SAMMSON: variants seen among roughly 807,000 people sequenced by gnomAD.
The protein encoded by SAMMSON is survival associated mitochondrial melanoma specific oncogenic non-coding RNA, also known as long intergenic non-protein coding RNA 1212.
At chr3:70,027,948 G>A (rs1477638361) in intron 3 of SAMMSON, among the ~76,000 whole-genome samples, 1 of 152,148 alleles carries the variant, frequency 6.6e-6, no homozygotes, top group East Asian at 1.9e-4. Flanking sequence ...GAAATAGACA[G>A]TATTTAAAAG....
chr3:70,254,066 G>T (rs549442678), intron 6 of SAMMSON, among the ~76,000 whole-genome samples: 1 of 152,046 alleles, frequency 6.6e-6, no homozygotes, highest in Non-Finnish European at 1.5e-5. Flanking sequence ...CAGTTATTTA[G>T]TAGGCATATT....
intron 7 of SAMMSON, among the ~76,000 whole-genome samples, chr3:70,346,979 C>T (rs748278132): frequency 1.3e-5 from 2 of 152,102 alleles, no homozygotes; most frequent in South Asian, 2.1e-4. Context: ...CAAAGACATG[C>T]GCTGATTACC....
At chr3:70,015,130 A>T (rs1380545843) in intron 3 of SAMMSON, 1 of 152,170 alleles carries the variant, frequency 6.6e-6, no homozygotes, top group Non-Finnish European at 1.5e-5. Flanking sequence ...AATACAAAAA[A>T]ATTAGCCGGG....
At chr3:70,286,138 C>T (rs938052091) in intron 6 of SAMMSON, among the ~76,000 whole-genome samples, 2 of 152,194 alleles carry the variant, frequency 1.3e-5, no homozygotes, top group Non-Finnish European at 2.9e-5. Context: ...TTGCCCATGC[C>T]TATGTCCTGA....
chr3:70,306,553 G>A (rs1050751390), intron 7 of SAMMSON, among the ~76,000 whole-genome samples: 2 of 152,056 alleles, frequency 1.3e-5, no homozygotes, highest in Non-Finnish European at 2.9e-5. Context: ...AGAGAATAAA[G>A]CTTGTTTATT....
intron 2 of SAMMSON, among the ~76,000 whole-genome samples, chr3:70,433,802 T>G (rs1362536486): frequency 6.6e-6 from 1 of 152,200 alleles, no homozygotes; most frequent in Non-Finnish European, 1.5e-5. Flanking sequence ...GAGTTAATTT[T>G]GAGTTACTTT....
chr3:70,163,296 A>G (rs1485200118), intron 4 of SAMMSON, among the ~76,000 whole-genome samples: 3 of 149,916 alleles, frequency 2.0e-5, no homozygotes, highest in African/African-American at 7.3e-5. Flanking sequence ...TTATTTTCTG[A>G]CATATAAATC....
At chr3:70,216,587 CT>C (rs1440188461) in intron 4 of SAMMSON, among the ~76,000 whole-genome samples, 4 of 152,034 alleles carry the variant, frequency 2.6e-5, no homozygotes, top group African/African-American at 4.8e-5. Flanking sequence ...GCTATACTAT[CT>C]AGATAGAGAT....
chr3:70,302,886 A>G (rs1343623132), intron 7 of SAMMSON, among the ~76,000 whole-genome samples: 1 of 152,168 alleles, frequency 6.6e-6, no homozygotes, highest in East Asian at 1.9e-4. Context: ...TGAACTTAGT[A>G]CTTCATAGGC....
intron 4 of SAMMSON, among the ~76,000 whole-genome samples, chr3:70,179,231 T>G (rs1701032186): frequency 6.6e-6 from 1 of 152,172 alleles, no homozygotes; most frequent in Non-Finnish European, 1.5e-5. Context: ...CTTCTGTGGG[T>G]GCTGTCTCTT....
chr3:70,229,334 T>G (rs1313605274), intron 4 of SAMMSON, among the ~76,000 whole-genome samples: 1 of 152,188 alleles, frequency 6.6e-6, no homozygotes, highest in East Asian at 1.9e-4. Context: ...TTCAGAATGA[T>G]CCTTATTTGC....
At chr3:70,100,345 A>G (rs1251689229) in intron 4 of SAMMSON, among the ~76,000 whole-genome samples, 2 of 152,006 alleles carry the variant, frequency 1.3e-5, no homozygotes, top group Admixed American at 6.6e-5. Context: ...ACGAGGTTTC[A>G]CTGTGTTGCT....
intron 3 of SAMMSON, among the ~76,000 whole-genome samples, chr3:70,056,103 C>T (rs1165869620): frequency 1.3e-5 from 2 of 152,014 alleles, no homozygotes; most frequent in African/African-American, 2.4e-5. Context: ...AATCTTGACA[C>T]CTTTCTTTCT....
intron 4 of SAMMSON, chr3:70,071,700 C>G (rs985835517): frequency 5.3e-5 from 8 of 152,014 alleles, no homozygotes; most frequent in Admixed American, 4.6e-4. Context: ...CTTTGGTTAT[C>G]AATGATGATC....
intron 4 of SAMMSON, among the ~76,000 whole-genome samples, chr3:70,189,892 T>C (rs991455197): frequency 6.6e-6 from 1 of 152,200 alleles, no homozygotes; most frequent in Non-Finnish European, 1.5e-5. Context: ...GCTCCAGCTT[T>C]CAAAGAGAAT....
intron 9 of SAMMSON, among the ~76,000 whole-genome samples, chr3:70,360,816 T>C (rs1702865455): frequency 6.6e-6 from 1 of 152,182 alleles, no homozygotes; most frequent in African/African-American, 2.4e-5. Context: ...TATGCATTTA[T>C]ATTTCAGAGT....
intron 4 of SAMMSON, among the ~76,000 whole-genome samples, chr3:70,164,142 G>C (rs1018267205): frequency 1.3e-5 from 2 of 152,020 alleles, no homozygotes; most frequent in Non-Finnish European, 2.9e-5. Flanking sequence ...TCATCTGTTT[G>C]TCATTTGAGG....
chr3:70,166,972 G>A (rs1293574591), intron 4 of SAMMSON, among the ~76,000 whole-genome samples: 1 of 151,840 alleles, frequency 6.6e-6, no homozygotes, highest in East Asian at 1.9e-4. Context: ...GAAATATAAG[G>A]TAAGCCTCAA....
chr3:70,304,897 T>C (rs907032517), intron 7 of SAMMSON, among the ~76,000 whole-genome samples: 2 of 152,226 alleles, frequency 1.3e-5, no homozygotes, highest in African/African-American at 4.8e-5. Context: ...TTCCCCTTTT[T>C]CGTCATTCCC....
Sources: allele counts gnomAD v4.1 joint callset (sites outside exome capture counted in the v4.1 genomes callset), GRCh38; gene constraint gnomAD v4.1.1; transcripts MANE v1.5; gene names NCBI Gene and HGNC (gene_info 2026-07-23, HGNC 2026-07-21).